EFHD1: variants seen among roughly 807,000 people sequenced by gnomAD.
EFHD1 encodes the protein EF-hand domain-containing protein D1.
A neutral mutation model predicts 17.2 loss-of-function variants in EFHD1; 10 were observed. The observed-to-expected ratio is 0.58, with a 90% CI of 0.36 to 0.99. The LOEUF (loss-of-function observed/expected upper bound fraction) is 0.99. EFHD1 is among the 50% of genes least tolerant of loss of function. The pLI, the probability that EFHD1 is intolerant of heterozygous loss-of-function variation, is 0.01. For missense variants in EFHD1, 310 were observed against 327.5 expected (o/e 0.95, Z 0.41); for synonymous variants, 153 against 142.0 (o/e 1.08, Z -0.55).
chr2:232,635,824 GA>G (rs35020517), intron 1 of EFHD1, among the ~76,000 whole-genome samples: 15,343 of 145,714 alleles, frequency 0.11, 1,111 homozygotes, highest in African/African-American at 0.22. Context: ...GTCTCAAGGG[GA>G]AAAAAAAAAA....
At chr2:232,680,799 G>A (rs185872378) in intron 3 of EFHD1, among the ~76,000 whole-genome samples, 23 of 151,848 alleles carry the variant, frequency 1.5e-4, no homozygotes, top group East Asian at 9.7e-4. Context: ...TTGAGTCACC[G>A]CGCCCAGCCC....
intron 1 of EFHD1, 108 bp downstream of exon 1, chr2:232,634,114 C>A: frequency 6.7e-7 from 1 of 1,488,204 alleles, no homozygotes; most frequent in Non-Finnish European, 8.9e-7. Context: ...TCCCGGGGTG[C>A]AGGTAGCATT....
At chr2:232,660,723 A>G (rs930899616) in intron 1 of EFHD1, among the ~76,000 whole-genome samples, 1 of 151,650 alleles carries the variant, frequency 6.6e-6, no homozygotes, top group African/African-American at 2.4e-5. Flanking sequence ...CATGTCTGTA[A>G]TCCCAAGACT....
chr2:232,609,054 C>A, intron 1 of EFHD1, among the ~76,000 whole-genome samples: 1 of 82,264 alleles, frequency 1.2e-5, no homozygotes, highest in Non-Finnish European at 2.1e-5. Context: ...TGCATAAGTT[C>A]TTTTTTTTTT....
At position 232,664,356 on chromosome 2, in the gene EFHD1, G is replaced by A. The variant is rs187248303; in HGVS notation, c.450+1407G>A. ...GGGTCTTGCTATGTTGCCCAGGCTG[G>A]TCTCCGACTCAGCCTCCCAAAGTGC... On this transcript the variant is annotated intron_variant, in intron 2 of 3. Coordinates refer to ENST00000264059, the MANE Select transcript of EFHD1 (RefSeq NM_025202.4). Among the ~76,000 whole-genome samples the A allele has an allele frequency of 4.8e-3, 718 of 150,342 alleles. 19 individuals are homozygous for A. Among genetic ancestry groups the A allele is most frequent in the Non-Finnish European group, 2.1e-3 (140 of 67,652 alleles).
chr2:232,623,736 A>T (rs558058821), intron 1 of EFHD1, among the ~76,000 whole-genome samples: 1 of 152,018 alleles, frequency 6.6e-6, no homozygotes, highest in African/African-American at 2.4e-5. Context: ...AAGAAAAAAA[A>T]GAAATAGCTC....
chr2:232,616,053 G>A (rs1423710051), intron 1 of EFHD1, among the ~76,000 whole-genome samples: 1 of 152,064 alleles, frequency 6.6e-6, no homozygotes, highest in Non-Finnish European at 1.5e-5. Context: ...ACAACACCTA[G>A]AATCAAAATT....
At chr2:232,622,465 G>A (rs775965771) in intron 1 of EFHD1, among the ~76,000 whole-genome samples, 3 of 144,262 alleles carry the variant, frequency 2.1e-5, no homozygotes, top group Middle Eastern at 3.9e-3. Context: ...GCAAAGCTCC[G>A]TTTCGCTGGG....
chr2:232,652,174 C>G (rs1281621329), intron 1 of EFHD1, among the ~76,000 whole-genome samples: 1 of 152,236 alleles, frequency 6.6e-6, no homozygotes, highest in Non-Finnish European at 1.5e-5. Context: ...GCGGCAACAT[C>G]AGCATTCCTC....
At chr2:232,623,741 T>C (rs1275200301) in intron 1 of EFHD1, among the ~76,000 whole-genome samples, 2 of 133,870 alleles carry the variant, frequency 1.5e-5, no homozygotes, top group Non-Finnish European at 3.3e-5. Flanking sequence ...AAAAAAGAAA[T>C]AGCTCATTCT....
chr2:232,606,394 G>A (rs1237625624), intron 1 of EFHD1, among the ~76,000 whole-genome samples: 1 of 152,140 alleles, frequency 6.6e-6, no homozygotes, highest in Non-Finnish European at 1.5e-5. Flanking sequence ...ATCTAAACTC[G>A]AAACTCTTGA....
intron 2 of EFHD1, among the ~76,000 whole-genome samples, chr2:232,667,532 A>G (rs1694989537): frequency 6.6e-6 from 1 of 150,742 alleles, no homozygotes; most frequent in African/African-American, 2.5e-5. Context: ...TATTTTAATT[A>G]ATTAATTAAT....
At chr2:232,638,287 A>G (rs1694356321) in intron 1 of EFHD1, 1 of 467,188 alleles carries the variant, frequency 2.1e-6, no homozygotes, top group African/African-American at 2.0e-5. Flanking sequence ...ACCCCAATGC[A>G]ACATCTTAAA....
intron 2 of EFHD1, among the ~76,000 whole-genome samples, chr2:232,671,899 A>G (rs912985307): frequency 3.3e-5 from 5 of 151,954 alleles, no homozygotes; most frequent in Non-Finnish European, 5.9e-5. Flanking sequence ...CCTACTAAAA[A>G]TATAAAAATT....
At chr2:232,625,021 T>C (rs12469410) in intron 1 of EFHD1, among the ~76,000 whole-genome samples, 34,956 of 151,998 alleles carry the variant, frequency 0.23, 4,475 homozygotes, top group East Asian at 0.57. Context: ...TTAGTACTTA[T>C]CATCCAAGCT....
At chr2:232,659,205 A>C (rs186172800) in intron 1 of EFHD1, among the ~76,000 whole-genome samples, 1 of 152,124 alleles carries the variant, frequency 6.6e-6, no homozygotes, top group Non-Finnish European at 1.5e-5. Flanking sequence ...GTGCTTTGCA[A>C]TGTAGCTCTG....
chr2:232,636,088 C>T (rs1420683623), intron 1 of EFHD1, among the ~76,000 whole-genome samples: 1 of 152,204 alleles, frequency 6.6e-6, no homozygotes, highest in Non-Finnish European at 1.5e-5. Flanking sequence ...TGCGTTGTCC[C>T]CGTTCTCAGA....
chr2:232,649,694 C>T (rs1406148255), intron 1 of EFHD1, among the ~76,000 whole-genome samples: 2 of 152,176 alleles, frequency 1.3e-5, no homozygotes, highest in Non-Finnish European at 2.9e-5. Context: ...CCCTCGACCA[C>T]TCTGCAAGGC....
In EFHD1 at chr2:232,611,306, TCG is replaced by T. The variant is rs749705157; in HGVS notation, c.14+5134_14+5135del. 3.1e-3 allele frequency among the ~76,000 whole-genome samples: 14 copies of T among 4,544 alleles called. No homozygotes were observed. In the East Asian group the frequency reaches 0.15, roughly 48 times the overall value. The allele number at this position is 4,544 out of a possible 152,430, so 3.0% of individuals were successfully genotyped here. Reference sequence around the variant, plus strand: ...CTTGATAGAACAAGCATCCTGGGGGTCGGGGGGGGGGCATCCCGATTAGAAAA... The same window carrying T: ...CTTGATAGAACAAGCATCCTGGGGGTGGGGGGGGGCATCCCGATTAGAAAA... On this transcript the variant is annotated intron_variant, in intron 1 of 3. Transcript: ENST00000409613.
Sources: gnomAD v4.1 joint callset for allele counts (sites outside exome capture counted in the v4.1 genomes callset) on GRCh38, gnomAD v4.1.1 for gene constraint, MANE v1.5 for transcripts, NCBI Gene and HGNC (gene_info 2026-07-23, HGNC 2026-07-21) for gene names.